CCDC47: variants seen among roughly 807,000 people sequenced by gnomAD.
The protein encoded by CCDC47 is PAT complex subunit CCDC47.
CCDC47 carries 41 observed loss-of-function variants against 60.5 expected under a neutral mutation model. The observed-to-expected ratio is 0.68, with a 90% CI of 0.53 to 0.88. The LOEUF (loss-of-function observed/expected upper bound fraction) is 0.88. Ranked by LOEUF, CCDC47 falls within the 40% of genes least tolerant of loss-of-function variation. The pLI is 0.00. For missense variants in CCDC47, 513 were observed against 580.9 expected, an observed-to-expected ratio of 0.88 and a Z score of 1.20; for synonymous variants, 195 against 190.7, an observed-to-expected ratio of 1.02 and a Z score of -0.18.
At chr17:63,771,538 T>C (rs2039341818) in intron 1 of CCDC47, among the ~76,000 whole-genome samples, 1 of 152,214 alleles carries the variant, frequency 6.6e-6, no homozygotes, top group African/African-American at 2.4e-5. Context: ...AGGTATGGGA[T>C]GTGTCTCTAA....
chr17:63,747,079 A>T, intron 12 of CCDC47, 118 bp from the exon 13 acceptor site: 1 of 1,450,452 alleles, frequency 6.9e-7, no homozygotes, highest in Non-Finnish European at 9.1e-7. Flanking sequence ...AGTATTATTC[A>T]AAAACTTAGG....
At chr17:63,766,457 CTT>C (rs1486637581) in intron 1 of CCDC47, among the ~76,000 whole-genome samples, 2 of 152,040 alleles carry the variant, frequency 1.3e-5, no homozygotes, top group African/African-American at 4.8e-5. Flanking sequence ...GAGTTTTGCT[CTT>C]GTCGCCCAGG....
intron 8 of CCDC47, 92 bp downstream of exon 8, chr17:63,756,148 C>T: frequency 1.2e-6 from 1 of 803,890 alleles, no homozygotes; most frequent in Non-Finnish European, 2.2e-6. Context: ...AATACATTGC[C>T]ATAAAATGAT....
chr17:63,765,444 G>A (rs566944758), intron 2 of CCDC47, among the ~76,000 whole-genome samples: 95 of 152,020 alleles, frequency 6.2e-4, no homozygotes, highest in Middle Eastern at 3.4e-3. Context: ...AGGTTCAAGC[G>A]ATTCTCTTGG....
chr17:63,766,922 C>G, intron 1 of CCDC47: 1 of 984,414 alleles, frequency 1.0e-6, no homozygotes, highest in Middle Eastern at 5.2e-4. Context: ...GCCATTCACC[C>G]TTAGATTGAT....
At chr17:63,755,533 AAAAATAT>A (rs2039199333) in intron 8 of CCDC47, 1 of 152,176 alleles carries the variant, frequency 6.6e-6, no homozygotes, top group Admixed American at 6.6e-5. Flanking sequence ...TCGAGCAGCT[AAAAATAT>A]TTCTCAAAAT....
At chr17:63,771,906 A>AC (rs1464661432) in intron 1 of CCDC47, among the ~76,000 whole-genome samples, 1 of 151,984 alleles carries the variant, frequency 6.6e-6, no homozygotes, top group African/African-American at 2.4e-5. Context: ...AAATAGTGAA[A>AC]CCCCACCTCT....
chr17:63,759,576 T>TATATAA (rs1568249235), intron 6 of CCDC47, among the ~76,000 whole-genome samples: 1 of 56,330 alleles, frequency 1.8e-5, no homozygotes, highest in Non-Finnish European at 3.3e-5. Context: ...TATATATATA[T>TATATAA]AAAACAATGA....
intron 12 of CCDC47, among the ~76,000 whole-genome samples, chr17:63,748,680 C>T (rs573659617): frequency 2.6e-4 from 40 of 152,148 alleles, no homozygotes; most frequent in African/African-American, 7.9e-4. Flanking sequence ...AAATATTGGC[C>T]GGGCGCAGTG....
chr17:63,750,898 T>C (rs1200937366), intron 12 of CCDC47, among the ~76,000 whole-genome samples: 2 of 150,040 alleles, frequency 1.3e-5, no homozygotes, highest in South Asian at 4.2e-4. Flanking sequence ...GTCCTCTCCC[T>C]CTTTTTTTTT....
At chr17:63,753,116 A>C (rs1412629248) in intron 9 of CCDC47, 2 of 374,560 alleles carry the variant, frequency 5.3e-6, no homozygotes, top group Non-Finnish European at 7.4e-6. Context: ...CCCATATTTT[A>C]GATACATTTT....
rs1488996054 is a variant in CCDC47, at chr17:63,771,002, AAG to A, written c.-20+2408_-20+2409del. The stretch of plus-strand genomic sequence containing the variant: ...GACTGTGTCAAAAAAAAAAAAAAGA[AAG>A]AAAGAAAGAAAGGAAGGAAGGAAGG... On this transcript the variant is annotated intron_variant, in intron 1 of 12. Coordinates refer to ENST00000225726, the MANE Select transcript of CCDC47 (RefSeq NM_020198.3). Among the ~76,000 whole-genome samples, 867 of 112,522 alleles carry A rather than the reference AAG, an allele frequency of 7.7e-3. 27 individuals are homozygous for A. Among genetic ancestry groups the A allele is most frequent in the African/African-American group, 0.026 (803 of 31,138 alleles). The allele number at this position is 112,522 out of a possible 152,430, so 73.8% of individuals were successfully genotyped here. A position where few individuals can be genotyped will look rare whatever the true frequency, so the allele number is the denominator to read the frequency against.
chr17:63,748,165 TTTTG>T (rs1029450744), intron 12 of CCDC47, among the ~76,000 whole-genome samples: 1 of 151,960 alleles, frequency 6.6e-6, no homozygotes, highest in Non-Finnish European at 1.5e-5. Context: ...AGGTTTTTTT[TTTTG>T]TTTGTGTTTG....
chr17:63,762,543 C>T (rs954910280), intron 4 of CCDC47, among the ~76,000 whole-genome samples: 66 of 152,290 alleles, frequency 4.3e-4, no homozygotes, highest in African/African-American at 1.6e-3. Flanking sequence ...TATATAAACA[C>T]TACTGTGTTG....
Position 63,747,319 on chromosome 17 carries a change from A to G in CCDC47, c.1372-358T>C, listed in dbSNP as rs542531619. The G allele has an allele frequency of 8.1e-4, 796 of 984,238 alleles. 1 individual carries two copies. Among genetic ancestry groups the G allele is most frequent in the Non-Finnish European group, 9.3e-4 (771 of 828,864 alleles). The allele number at this position is 984,238 out of a possible 1,614,324, so 61.0% of individuals were successfully genotyped here. Reference sequence around the variant, plus strand: ...CCATTCATGATGGCATTATATCATAAATGTATAACTGCCAGAAGATACATT... The same window carrying G: ...CCATTCATGATGGCATTATATCATAGATGTATAACTGCCAGAAGATACATT... On this transcript the variant is annotated intron_variant, in intron 12 of 12. Coordinates refer to ENST00000225726, the MANE Select transcript of CCDC47 (RefSeq NM_020198.3).
rs185823424 is a variant in CCDC47, at chr17:63,757,212, A to C, written c.736-642T>G. 2.9e-3 allele frequency among the ~76,000 whole-genome samples: 425 copies of C among 147,904 alleles called. 3 individuals carry two copies. Among genetic ancestry groups the C allele is most frequent in the African/African-American group, 0.01 (413 of 40,516 alleles). On this transcript the variant is annotated intron_variant, in intron 6 of 12. Coordinates refer to ENST00000225726, the MANE Select transcript of CCDC47 (RefSeq NM_020198.3). ...CCCATCTGTACAAAAAAAAAAAAAA[A>C]GAAAGAAAAATTAGCCAGGCATTGT...
At chr17:63,758,211 T>C (rs1333330643) in intron 6 of CCDC47, among the ~76,000 whole-genome samples, 1 of 152,204 alleles carries the variant, frequency 6.6e-6, no homozygotes, top group African/African-American at 2.4e-5. Context: ...AACAAATTAT[T>C]GGTTGAGTGG....
In CCDC47 at chr17:63,764,067, C is replaced by G. The variant is rs1340003351; in HGVS notation, c.496G>C (p.Ala166Pro). The G allele has an allele frequency of 6.2e-7, 1 of 1,612,742 alleles. No homozygotes were observed. ...GKNKNSRLAQ[A>P]WFNTHRELLE... ...AGCTCCCTATGAGTGTTAAACCAGG[C>G]CTGTGCAAGGCGACTGTTTTTATTC... The change falls in exon 4 of 13, where the codon GCC (alanine) becomes CCC (proline). Residue 166 changes from alanine (A) to proline (P), a missense_variant. By Grantham distance (27) the Ala-to-Pro change is conservative (BLOSUM62 -1). Transcript: ENST00000225726.
intron 6 of CCDC47, among the ~76,000 whole-genome samples, chr17:63,760,581 A>G (rs2039250831): frequency 6.6e-6 from 1 of 152,166 alleles, no homozygotes; most frequent in Non-Finnish European, 1.5e-5. Flanking sequence ...GCTCACGTCT[A>G]TAATCCCAGC....
Sources: gnomAD v4.1 joint callset for allele counts (sites outside exome capture counted in the v4.1 genomes callset) on GRCh38, gnomAD v4.1.1 for gene constraint, MANE v1.5 for transcripts, NCBI Gene and HGNC (gene_info 2026-07-23, HGNC 2026-07-21) for gene names.